LARGE1: variants seen among roughly 807,000 people sequenced by gnomAD.
LARGE1 encodes LARGE xylosyl- and glucuronyltransferase 1, also known as xylosyl- and glucuronyltransferase LARGE1.
Under a neutral mutation model 87.6 loss-of-function variants are expected in LARGE1, and 43 were observed. The observed-to-expected ratio is 0.49, with a 90% CI of 0.38 to 0.63. The LOEUF (loss-of-function observed/expected upper bound fraction) is 0.63. LARGE1 is among the 30% of genes least tolerant of loss of function. The pLI, the probability that LARGE1 is intolerant of heterozygous loss-of-function variation, is 0.00. For missense variants in LARGE1, 802 were observed against 1,000.2 expected (o/e 0.80, Z 2.67); for synonymous variants, 434 against 394.6 (o/e 1.10, Z -1.18).
At chr22:33,667,293 C>T (rs1485415865) in intron 2 of LARGE1, among the ~76,000 whole-genome samples, 2 of 152,220 alleles carry the variant, frequency 1.3e-5, no homozygotes, top group Non-Finnish European at 2.9e-5. Context: ...CCCCAAACAA[C>T]AAGCCAGAAG....
At chr22:33,381,094 GAAAA>G (rs2065139913) in intron 9 of LARGE1, among the ~76,000 whole-genome samples, 1 of 152,190 alleles carries the variant, frequency 6.6e-6, no homozygotes, top group African/African-American at 2.4e-5. Flanking sequence ...CTCACCATGA[GAAAA>G]CACCATACTG....
intron 6 of LARGE1, among the ~76,000 whole-genome samples, chr22:33,487,060 C>CT (rs1314845100): frequency 6.6e-6 from 1 of 152,222 alleles, no homozygotes; most frequent in African/African-American, 2.4e-5. Flanking sequence ...AGTCTATTCT[C>CT]TAGCCCTTTT....
At chr22:33,697,654 T>C (rs577051748) in intron 2 of LARGE1, among the ~76,000 whole-genome samples, 10 of 151,982 alleles carry the variant, frequency 6.6e-5, no homozygotes, top group Middle Eastern at 3.4e-3. Context: ...CAGCTAATTA[T>C]TGGCAGAGCT....
intron 11 of LARGE1, among the ~76,000 whole-genome samples, chr22:33,252,251 TCCCC>T (rs34458283): frequency 2.7e-5 from 3 of 111,522 alleles, no homozygotes; most frequent in African/African-American, 9.6e-5. Flanking sequence ...ATTCCTTCAT[TCCCC>T]CCCCCCCCGC....
At chr22:33,710,238 A>G (rs999048976) in intron 2 of LARGE1, among the ~76,000 whole-genome samples, 11 of 152,218 alleles carry the variant, frequency 7.2e-5, no homozygotes, top group Non-Finnish European at 1.6e-4. Flanking sequence ...TGTAATACAA[A>G]TTGTATTCGG....
intron 1 of LARGE1, among the ~76,000 whole-genome samples, chr22:33,850,551 A>C (rs549121216): frequency 7.0e-4 from 106 of 152,332 alleles, no homozygotes; most frequent in African/African-American, 2.4e-3. Flanking sequence ...GCATATAACA[A>C]ACACCTAATA....
the LARGE1 span, among the ~76,000 whole-genome samples, chr22:33,089,972 A>T: frequency 1.2e-4 from 4 of 33,206 alleles, no homozygotes; most frequent in Non-Finnish European, 6.6e-5. Flanking sequence ...TGAAATGATT[A>T]AAAAAAAAAA....
intron 4 of LARGE1, among the ~76,000 whole-genome samples, chr22:33,609,258 C>T (rs573572934): frequency 2.0e-5 from 3 of 152,294 alleles, no homozygotes; most frequent in Admixed American, 6.5e-5. Flanking sequence ...ATGGATGCGC[C>T]GCTGTGCTGG....
chr22:33,873,700 TC>T (rs2064375856), intron 1 of LARGE1, among the ~76,000 whole-genome samples: 1 of 152,100 alleles, frequency 6.6e-6, no homozygotes, highest in South Asian at 2.1e-4. Flanking sequence ...ACTTGTATGA[TC>T]CTTTCTCAGA....
chr22:33,548,958 T>C (rs5994773), intron 6 of LARGE1, among the ~76,000 whole-genome samples: 5,273 of 152,246 alleles, frequency 0.035, 128 homozygotes, highest in East Asian at 0.15. Flanking sequence ...TCCCTAAAAT[T>C]CATCAGGAGG....
At chr22:33,681,061 T>C (rs17733474) in intron 2 of LARGE1, among the ~76,000 whole-genome samples, 11,142 of 152,264 alleles carry the variant, frequency 0.073, 532 homozygotes, top group Middle Eastern at 0.11. Context: ...AGTGTTTTAA[T>C]TGCACTCAAT....
intron 6 of LARGE1, among the ~76,000 whole-genome samples, chr22:33,461,499 TG>T (rs1339340559): frequency 6.6e-6 from 1 of 151,802 alleles, no homozygotes; most frequent in African/African-American, 2.4e-5. Flanking sequence ...CATCACACAC[TG>T]GGGCCTGTCA....
chr22:33,379,065 C>T (rs558674262), intron 9 of LARGE1, among the ~76,000 whole-genome samples: 3 of 152,052 alleles, frequency 2.0e-5, no homozygotes, highest in Non-Finnish European at 4.4e-5. Context: ...TAGTGTTCAC[C>T]AACCCAGAAG....
chr22:33,753,450 A>G (rs2084396618), intron 2 of LARGE1, among the ~76,000 whole-genome samples: 1 of 152,192 alleles, frequency 6.6e-6, no homozygotes, highest in African/African-American at 2.4e-5. Flanking sequence ...AGCCTACAGA[A>G]GGAACCAGCC....
At chr22:33,280,003 T>C (rs919977373) in intron 13 of LARGE1, among the ~76,000 whole-genome samples, 3 of 152,226 alleles carry the variant, frequency 2.0e-5, no homozygotes, top group Non-Finnish European at 4.4e-5. Context: ...GGGAAAAGAA[T>C]ACCTATCTGG....
At chr22:33,637,192 G>A (rs1226389008) in intron 3 of LARGE1, among the ~76,000 whole-genome samples, 2 of 152,170 alleles carry the variant, frequency 1.3e-5, no homozygotes, top group African/African-American at 4.8e-5. Flanking sequence ...CAGGAATGAG[G>A]AGGTGAGACA....
rs149081613 is a variant in LARGE1, at chr22:33,823,106, T to C, written c.-82-61548A>G. On this transcript the variant is annotated intron_variant, in intron 1 of 14. Transcript: ENST00000397394. ...GAGATATCGGGGTTGTCCATATAAA[T>C]AGCACAACCTAATCCATCCTGACAA... Among the ~76,000 whole-genome samples the C allele has an allele frequency of 7.2e-5, 11 of 152,310 alleles. No individual in the cohort carries two copies. The East Asian group carries it at 1.5e-3, about 21-fold the overall frequency.
At chr22:33,094,031 T>C in the LARGE1 span, among the ~76,000 whole-genome samples, 1 of 151,858 alleles carries the variant, frequency 6.6e-6, no homozygotes, top group African/African-American at 2.4e-5. Context: ...GGATTATAGG[T>C]GTGAGCCACC....
intron 3 of LARGE1, among the ~76,000 whole-genome samples, chr22:33,629,436 C>G (rs892641386): frequency 1.3e-5 from 2 of 152,138 alleles, no homozygotes; most frequent in Admixed American, 1.3e-4. Context: ...ATTTTCCAAT[C>G]TCTTTAGTTT....
Sources: allele counts gnomAD v4.1 joint callset (sites outside exome capture counted in the v4.1 genomes callset), GRCh38; gene constraint gnomAD v4.1.1; transcripts MANE v1.5; gene names NCBI Gene and HGNC (gene_info 2026-07-23, HGNC 2026-07-21).